Variants in CFAP46 observed in about 807,000 individuals in gnomAD.
CFAP46 encodes cilia- and flagella-associated protein 46.
CFAP46 carries 245 observed loss-of-function variants against 325.7 expected under a neutral mutation model. The observed-to-expected ratio is 0.75, with a 90% confidence interval of 0.68 to 0.84. CFAP46 has a LOEUF of 0.84. CFAP46 is among the 40% of genes least tolerant of loss of function. The pLI is 0.00. For synonymous variants in CFAP46, 1,523 were observed against 1,495.9 expected (o/e 1.02, Z -0.42); for missense variants, 3,346 against 3,543.0 (o/e 0.94, Z 1.41).
At chr10:132,932,690 C>A (rs1456732128) in intron 8 of CFAP46, among the ~76,000 whole-genome samples, 2 of 152,272 alleles carry the variant, frequency 1.3e-5, no homozygotes, top group African/African-American at 4.8e-5. Context: ...GTGCCGCCAA[C>A]CGCACCTGCA....
At chr10:132,846,721 C>T (rs999751919) in intron 43 of CFAP46, among the ~76,000 whole-genome samples, 4 of 152,254 alleles carry the variant, frequency 2.6e-5, no homozygotes, top group African/African-American at 9.6e-5. Context: ...TCCATGTCTG[C>T]CCGATGCAGG....
intron 29 of CFAP46, 144 bp downstream of exon 29, chr10:132,879,282 G>T: frequency 1.3e-6 from 1 of 769,438 alleles, no homozygotes; most frequent in Non-Finnish European, 2.0e-6. Context: ...TCTGGATGTC[G>T]CAGGAAATTG....
At chr10:132,915,601 C>G (rs562732482) in intron 17 of CFAP46, among the ~76,000 whole-genome samples, 1 of 151,520 alleles carries the variant, frequency 6.6e-6, no homozygotes, top group Non-Finnish European at 1.5e-5. Context: ...GGCGGGGCGC[C>G]GTGCCCAGCT....
intron 50 of CFAP46, among the ~76,000 whole-genome samples, chr10:132,831,506 T>C (rs12415268): frequency 0.35 from 53,028 of 151,950 alleles, 10,265 homozygotes; most frequent in Admixed American, 0.51. Flanking sequence ...ACTGTAGCCC[T>C]GGTCACATTC....
Position 132,836,899 on chromosome 10 carries a change from A to G in CFAP46, c.6454T>C (p.Cys2152Arg). ...AAVSKAWQNL[C>R]VTEQHFNLLN... is the part of the protein sequence containing the mutation. ...AGGTTAAAATGCTGCTCAGTGACGC[A>G]GAGATTTTGCCAAGCCTGTGTGGCG... The change falls in exon 45 of 58, where the codon TGC becomes CGC. Residue 2152 changes from cysteine to arginine, a missense_variant. Cys to Arg is a radical substitution (Grantham distance 180). Transcript: ENST00000368586. The G allele has an allele frequency of 1.2e-6, 2 of 1,613,902 alleles. No individual in the cohort carries two copies. Among genetic ancestry groups the G allele is most frequent in the Non-Finnish European group, 1.7e-6 (2 of 1,179,966 alleles).
At chr10:132,814,962 C>T in intron 50 of CFAP46, 48 bp from the exon 51 acceptor site, 4 of 1,561,556 alleles carry the variant, frequency 2.6e-6, no homozygotes, top group Non-Finnish European at 2.6e-6. Context: ...CAGCTCGAGG[C>T]AGCCCTCCGG....
chr10:132,848,931 C>T (rs10870344), intron 41 of CFAP46, among the ~76,000 whole-genome samples: 14,893 of 152,182 alleles, frequency 0.098, 737 homozygotes, highest in South Asian at 0.13. Flanking sequence ...GAGACTAAAA[C>T]GGGGGTTAGA....
At chr10:132,933,749 C>T (rs61863096) in intron 8 of CFAP46, among the ~76,000 whole-genome samples, 4,855 of 152,328 alleles carry the variant, frequency 0.032, 123 homozygotes, top group Non-Finnish European at 0.044. Flanking sequence ...TGGCGTCTGG[C>T]GCCCCTCGCT....
chr10:132,824,546 T>C (rs1417793610), intron 50 of CFAP46, among the ~76,000 whole-genome samples: 1 of 118,774 alleles, frequency 8.4e-6, no homozygotes, highest in Non-Finnish European at 1.7e-5. Context: ...GTGCTGTGTG[T>C]GCGCTGATGT....
At chr10:132,936,887 T>A in intron 7 of CFAP46, 74 bp downstream of exon 7, 2 of 832,812 alleles carry the variant, frequency 2.4e-6, no homozygotes, top group Non-Finnish European at 3.6e-6. Flanking sequence ...CCTCCCCCCA[T>A]GGAGGGGACA....
At chr10:132,880,069 G>A (rs971875122) in intron 28 of CFAP46, among the ~76,000 whole-genome samples, 4 of 151,984 alleles carry the variant, frequency 2.6e-5, no homozygotes, top group East Asian at 1.9e-4. Flanking sequence ...CAGCATTGTC[G>A]AGTGCTCTAG....
Position 132,878,041 on chromosome 10 carries a change from AG to A in CFAP46, c.4051del (p.Leu1351TrpfsTer69). On this transcript the variant is annotated frameshift_variant, in exon 30 of 58. Coordinates refer to ENST00000368586, the MANE Select transcript of CFAP46 (RefSeq NM_001200049.3). LOFTEE classifies it high-confidence loss of function. ...TAACAGATGTGAGCTGGTTGCTGCC[AG>A]GGGTCTGTTTTCCAGAACTGATTTT... ...AGKSVLENRP[L>X]AATSSHLLLP... 2.6e-6 allele frequency: 4 copies of A among 1,549,150 alleles called. No individual in the cohort carries two copies. Among genetic ancestry groups the A allele is most frequent in the Non-Finnish European group, 3.5e-6 (4 of 1,146,418 alleles).
chr10:132,840,626 CTCTAAGTCAGTTTAAG>C (rs985234288), intron 44 of CFAP46, among the ~76,000 whole-genome samples: 2 of 152,198 alleles, frequency 1.3e-5, no homozygotes, highest in East Asian at 1.9e-4. Context: ...TATTTTCATT[CTCTAAGTCAGTTTAAG>C]TCTAAGTCAG....
intron 50 of CFAP46, among the ~76,000 whole-genome samples, chr10:132,831,257 ATTC>A (rs1848142810): frequency 8.1e-6 from 1 of 123,078 alleles, no homozygotes; most frequent in African/African-American, 3.8e-5. Context: ...TAAAGTGTAC[ATTC>A]TTCTGCCGTG....
At position 132,869,354 on chromosome 10, in the gene CFAP46, G is replaced by A. The variant is rs570925725; in HGVS notation, c.4530C>T (p.Ser1510=). The A allele has an allele frequency of 3.6e-5, 56 of 1,534,844 alleles. No homozygotes were observed. The highest frequency in any genetic ancestry group is 6.9e-5 in the African/African-American group (5 of 72,954). ...CGGCTGCTTCTCTCAGCTTCAGCTC[G>A]GAGCACGCGTGGGCGAGGCTGTGGG... ...LYHLRLAHAC[S]ELKLREAAAR... The change falls in exon 33 of 58, where the codon TCC becomes TCT. Residue 1510 remains serine (S), a synonymous_variant. Coordinates refer to ENST00000368586, the MANE Select transcript of CFAP46 (RefSeq NM_001200049.3). The surrounding 1 kb of genome is among the most constrained non-coding windows in gnomAD (Gnocchi z 6.2).
chr10:132,814,819 T>A (rs1554963484), intron 51 of CFAP46, 25 bp downstream of exon 51: 3 of 1,613,980 alleles, frequency 1.9e-6, no homozygotes, highest in Middle Eastern at 1.7e-4. Flanking sequence ...ACCAGCCCGA[T>A]CCCCTATCAC....
At chr10:132,913,359 AAGAAG>A in intron 17 of CFAP46, 101 bp from the exon 18 acceptor site, 2 of 531,072 alleles carry the variant, frequency 3.8e-6, no homozygotes, top group Non-Finnish European at 6.7e-6. Flanking sequence ...GCTGCAGGGC[AAGAAG>A]TGGGAGGGGC....
rs146978333 is a variant in CFAP46, at chr10:132,851,289, G to C, written c.5591C>G (p.Thr1864Arg). ...LSLQDLQNVN[T>R]PLMRKLARLK... ...GCGCGCCAGCTTCCTCATCAGGGGCGTGTTGACGTTCTGCAACTGAGGGGG... is the reference window on the plus strand; with the variant it reads ...GCGCGCCAGCTTCCTCATCAGGGGCCTGTTGACGTTCTGCAACTGAGGGGG... The change falls in exon 40 of 58, where the codon ACG becomes AGG. Residue 1864 changes from threonine to arginine, a missense_variant. Thr to Arg is a moderately conservative substitution (Grantham distance 71). Coordinates refer to ENST00000368586, the MANE Select transcript of CFAP46 (RefSeq NM_001200049.3). 2 of 1,613,718 alleles carry C rather than the reference G, an allele frequency of 1.2e-6. No individual in the cohort carries two copies. Among genetic ancestry groups the C allele is most frequent in the African/African-American group, 2.7e-5 (2 of 75,048 alleles).
chr10:132,824,213 T>C (rs1427684465), intron 50 of CFAP46, among the ~76,000 whole-genome samples: 1 of 139,470 alleles, frequency 7.2e-6, no homozygotes, highest in Non-Finnish European at 1.5e-5. Context: ...ATGTGTGCTG[T>C]GTGTGCTGTG....
Sources: gnomAD v4.1 joint callset for allele counts (sites outside exome capture counted in the v4.1 genomes callset) on GRCh38, gnomAD v4.1.1 for gene constraint, Gnocchi (gnomAD v3.1) non-coding constraint, MANE v1.5 for transcripts, NCBI Gene and HGNC (gene_info 2026-07-23, HGNC 2026-07-21) for gene names.